The following HS2ST1 variants were observed in gnomAD, a reference collection of about 807,000 sequenced individuals.
The protein encoded by HS2ST1 is 2-O-sulfotransferase.
In HS2ST1, 18 loss-of-function variants were observed where a neutral mutation model predicts 42.9. That is an observed-to-expected ratio of 0.42 (90% confidence interval 0.29 to 0.62). HS2ST1 has a LOEUF of 0.62. Ranked by LOEUF, HS2ST1 falls within the 20% of genes least tolerant of loss-of-function variation. The pLI is 0.21. For missense variants in HS2ST1, 334 were observed against 433.8 expected (o/e 0.77, Z 2.04); for synonymous variants, 146 against 152.9 (o/e 0.95, Z 0.33).
At chr1:87,002,362 G>C (rs543870147) in intron 1 of HS2ST1, among the ~76,000 whole-genome samples, 1 of 152,264 alleles carries the variant, frequency 6.6e-6, no homozygotes, top group East Asian at 1.9e-4. Context: ...GGAGGCCAAG[G>C]CTTGCAGATT....
chr1:87,037,884 CAGATTTT>C (rs1488178053), intron 1 of HS2ST1, among the ~76,000 whole-genome samples: 1 of 151,900 alleles, frequency 6.6e-6, no homozygotes, highest in African/African-American at 2.4e-5. Context: ...ATATCTCTAA[CAGATTTT>C]AGATTGTCTG....
At chr1:86,996,080 A>G (rs1649087248) in intron 1 of HS2ST1, among the ~76,000 whole-genome samples, 6 of 152,170 alleles carry the variant, frequency 3.9e-5, no homozygotes, top group Admixed American at 3.9e-4. Flanking sequence ...GTAACTAGGT[A>G]GGGACAGTAG....
intron 5 of HS2ST1, 160 bp downstream of exon 5, chr1:87,098,095 C>A: frequency 2.9e-6 from 4 of 1,403,340 alleles, no homozygotes; most frequent in Non-Finnish European, 2.8e-6. Context: ...CTTTTAAATG[C>A]ATTTAAAAGA....
At chr1:87,025,932 T>G (rs1375968405) in intron 1 of HS2ST1, among the ~76,000 whole-genome samples, 3 of 152,218 alleles carry the variant, frequency 2.0e-5, no homozygotes, top group Non-Finnish European at 4.4e-5. Flanking sequence ...TTCAGTTTCT[T>G]GCAGTTAAAG....
chr1:86,924,671 C>T lies in HS2ST1; in HGVS notation c.124+9511C>T, dbSNP rs76678065. On this transcript the variant is annotated intron_variant, in intron 1 of 6. Coordinates refer to ENST00000370550, the MANE Select transcript of HS2ST1 (RefSeq NM_012262.4). ...CTCTGAAGGCATGGCCCGAGCTCTACGTTGGCCCTTTTCAGCCATGGCAGG... is the reference window on the plus strand; with the variant it reads ...CTCTGAAGGCATGGCCCGAGCTCTATGTTGGCCCTTTTCAGCCATGGCAGG... Among the ~76,000 whole-genome samples the T allele has an allele frequency of 3.5e-3, 535 of 152,314 alleles. 7 individuals are homozygous for T. In the East Asian group the frequency reaches 0.052, roughly 15 times the overall value.
In HS2ST1 at chr1:87,072,918, C is replaced by A. The variant is rs1452004253; in HGVS notation, c.125-16C>A. ...GTGTCCTTAAAAACTTAGTTCGTAT[C>A]TGTTTTTCTTTCCAGAAAGGGCTAT... On this transcript the variant is annotated splice_polypyrimidine_tract_variant and intron_variant, in intron 1 of 6. Transcript: ENST00000370550. The A allele has an allele frequency of 1.3e-6, 2 of 1,581,814 alleles. No individual in the cohort carries two copies. The highest frequency in any genetic ancestry group is 8.7e-7 in the Non-Finnish European group (1 of 1,150,966).
chr1:87,010,055 C>CAAAAA (rs11345061), intron 1 of HS2ST1, among the ~76,000 whole-genome samples: 1 of 148,396 alleles, frequency 6.7e-6, no homozygotes, highest in African/African-American at 2.5e-5. Flanking sequence ...CAAAACAAAA[C>CAAAAA]AAAAAAAAAA....
chr1:87,090,439 T>C (rs984119993), intron 3 of HS2ST1, among the ~76,000 whole-genome samples: 3 of 152,010 alleles, frequency 2.0e-5, no homozygotes, highest in Non-Finnish European at 1.5e-5. Flanking sequence ...AGGTGACTTA[T>C]AATGCTGTTG....
chr1:87,102,717 C>T (rs1351020316), intron 5 of HS2ST1, among the ~76,000 whole-genome samples: 1 of 152,028 alleles, frequency 6.6e-6, no homozygotes, highest in Non-Finnish European at 1.5e-5. Context: ...TGGGAGGGTT[C>T]TTAGAAACCA....
At chr1:87,050,895 ATAT>A (rs1171899245) in intron 1 of HS2ST1, among the ~76,000 whole-genome samples, 1 of 152,164 alleles carries the variant, frequency 6.6e-6, no homozygotes, top group Non-Finnish European at 1.5e-5. Flanking sequence ...TATACCTAGA[ATAT>A]TATACTAAAC....
intron 1 of HS2ST1, among the ~76,000 whole-genome samples, chr1:87,021,778 A>G (rs1182033462): frequency 6.6e-6 from 1 of 152,144 alleles, no homozygotes; most frequent in Non-Finnish European, 1.5e-5. Context: ...GGCCTCCCAA[A>G]GTGCTGAGAT....
chr1:86,930,976 G>C (rs970282344), intron 1 of HS2ST1, among the ~76,000 whole-genome samples: 2 of 151,890 alleles, frequency 1.3e-5, no homozygotes, highest in Non-Finnish European at 2.9e-5. Context: ...CTAGTTAGTG[G>C]GGGAAAGTAA....
chr1:86,967,897 C>T (rs1648094978), intron 1 of HS2ST1, among the ~76,000 whole-genome samples: 1 of 152,224 alleles, frequency 6.6e-6, no homozygotes, highest in Non-Finnish European at 1.5e-5. Context: ...AGAGGCTGCA[C>T]TAATTAACAT....
intron 1 of HS2ST1, among the ~76,000 whole-genome samples, chr1:86,959,570 A>C (rs545685820): frequency 4.6e-5 from 7 of 152,286 alleles, no homozygotes; most frequent in South Asian, 4.1e-4. Context: ...AGGCAGGAGA[A>C]TCGCTTGAAC....
intron 1 of HS2ST1, among the ~76,000 whole-genome samples, chr1:87,062,594 A>G (rs1043747402): frequency 5.3e-5 from 8 of 152,152 alleles, no homozygotes; most frequent in Admixed American, 2.6e-4. Context: ...GAGGAAAGGG[A>G]AAGTTTATTG....
At chr1:86,928,048 A>G (rs563053184) in intron 1 of HS2ST1, among the ~76,000 whole-genome samples, 54 of 152,186 alleles carry the variant, frequency 3.5e-4, no homozygotes, top group African/African-American at 1.3e-3. Flanking sequence ...TTAAAAATTG[A>G]AATCTTTAGA....
chr1:86,982,279 T>C (rs917017721), intron 1 of HS2ST1, among the ~76,000 whole-genome samples: 5 of 152,180 alleles, frequency 3.3e-5, no homozygotes, highest in South Asian at 2.1e-4. Context: ...TTCTCTGACA[T>C]GCTCTAGAGA....
chr1:87,034,120 T>C (rs999609984), intron 1 of HS2ST1, among the ~76,000 whole-genome samples: 1 of 152,244 alleles, frequency 6.6e-6, no homozygotes, highest in African/African-American at 2.4e-5. Flanking sequence ...GTAGACCATC[T>C]ACCCTTTTAT....
intron 1 of HS2ST1, among the ~76,000 whole-genome samples, chr1:86,986,674 G>A (rs1281754187): frequency 6.6e-6 from 1 of 152,166 alleles, no homozygotes; most frequent in African/African-American, 2.4e-5. Context: ...TGCTGGTGTT[G>A]AGGATGGAGG....
Sources: gnomAD v4.1 joint callset for allele counts (sites outside exome capture counted in the v4.1 genomes callset) on GRCh38, gnomAD v4.1.1 for gene constraint, MANE v1.5 for transcripts, NCBI Gene and HGNC (gene_info 2026-07-23, HGNC 2026-07-21) for gene names.